Variants in ARHGAP6 observed in about 807,000 individuals in gnomAD.
ARHGAP6 encodes rho GTPase-activating protein 6.
Under a neutral mutation model 55.7 loss-of-function variants are expected in ARHGAP6, and 16 were observed. The ratio of observed to expected loss-of-function variants is 0.29; its 90% CI spans 0.19 to 0.44. ARHGAP6 has a LOEUF of 0.44. Among genes scored for constraint, ARHGAP6 ranks in the 20% least tolerant of loss-of-function variants. The probability of loss-of-function intolerance (pLI) is 1.00; values close to 1 mark genes in which losing one functional copy is unlikely to be tolerated. For missense variants in ARHGAP6, 698 were observed against 808.9 expected (o/e 0.86, Z 1.66); for synonymous variants, 382 against 360.9 (o/e 1.06, Z -0.66).
At chrX:11,300,398 C>T (rs777172917) in intron 1 of ARHGAP6, among the ~76,000 whole-genome samples, 1 of 111,635 alleles carries the variant, frequency 9.0e-6, no homozygotes, top group East Asian at 2.8e-4. Flanking sequence ...AAATAATAGG[C>T]TTTAAGTGTC....
chrX:11,285,161 ATTG>A (rs1458133378), intron 1 of ARHGAP6, among the ~76,000 whole-genome samples: 3 of 80,555 alleles, frequency 3.7e-5, no homozygotes, highest in Non-Finnish European at 7.2e-5. Flanking sequence ...AACCACACAG[ATTG>A]TTTTTTTTTT....
chrX:11,421,158 TCA>T (rs1274677868), intron 1 of ARHGAP6, among the ~76,000 whole-genome samples: 2 of 111,851 alleles, frequency 1.8e-5, no homozygotes, highest in African/African-American at 6.5e-5. Flanking sequence ...GGAAGCTCAC[TCA>T]CATTTTCTCA....
chrX:11,651,625 G>A lies in ARHGAP6; in HGVS notation c.588+12616C>T, dbSNP rs185826768. Among the ~76,000 whole-genome samples, 326 of 111,384 alleles carry A rather than the reference G, an allele frequency of 2.9e-3. 1 individual carries two copies. The highest frequency in any genetic ancestry group is 0.014 in the Middle Eastern group (3 of 217). ...GGGATGTGCATGTATCTTTATAAAA[G>A]AAAGACTTATACTCCTTTGGGTATA... On this transcript the variant is annotated intron_variant, in intron 1 of 12. Transcript: ENST00000337414.
At chrX:11,568,509 C>T (rs1467924320) in intron 1 of ARHGAP6, among the ~76,000 whole-genome samples, 1 of 112,188 alleles carries the variant, frequency 8.9e-6, no homozygotes, top group Non-Finnish European at 1.9e-5. Context: ...CAGTGGCTCA[C>T]GCCTATAATC....
At chrX:11,426,950 A>T (rs926387924) in intron 1 of ARHGAP6, among the ~76,000 whole-genome samples, 5 of 110,044 alleles carry the variant, frequency 4.5e-5, no homozygotes, top group African/African-American at 1.7e-4. Flanking sequence ...AGCCACCATA[A>T]GGGAGGGGGA....
intron 3 of ARHGAP6, among the ~76,000 whole-genome samples, chrX:11,190,966 T>C (rs1041756030): frequency 3.5e-5 from 4 of 112,731 alleles, no homozygotes; most frequent in Non-Finnish European, 7.5e-5. Flanking sequence ...AGGTGTGACT[T>C]GGCATCCTGC....
intron 1 of ARHGAP6, among the ~76,000 whole-genome samples, chrX:11,577,148 C>A (rs962596873): frequency 1.8e-5 from 2 of 112,272 alleles, no homozygotes; most frequent in Non-Finnish European, 3.8e-5. Flanking sequence ...TCTGCAAAGT[C>A]TCTTTGGCCA....
At chrX:11,407,178 C>A (rs2049620583) in intron 1 of ARHGAP6, among the ~76,000 whole-genome samples, 1 of 111,362 alleles carries the variant, frequency 9.0e-6, no homozygotes, top group Non-Finnish European at 1.9e-5. Context: ...TAGGGAACCA[C>A]CAATCTATAT....
Position 11,139,460 on chromosome X carries a change from C to T in ARHGAP6, c.2328G>A (p.Leu776=), listed in dbSNP as rs1170160005. ...CCTGCCACCGAGGCCAATTTGGGGA[C>T]AGGTTCCCTTGAGAAAGGGAGCAGG... The part of the protein sequence containing the change: ...AGPCSLSQGN[L]SPNWPRWQGS... Residue 776 remains leucine (L), a synonymous_variant, in exon 13 of 13, where the codon CTG becomes CTA. Coordinates refer to ENST00000337414, the MANE Select transcript of ARHGAP6 (RefSeq NM_013427.3). 1 of 1,181,406 alleles carries T rather than the reference C, an allele frequency of 8.5e-7. No homozygotes were observed. Among genetic ancestry groups the T allele is most frequent in the African/African-American group, 1.8e-5 (1 of 56,229 alleles).
intron 1 of ARHGAP6, among the ~76,000 whole-genome samples, chrX:11,401,913 A>G (rs2049554071): frequency 8.9e-6 from 1 of 112,435 alleles, no homozygotes; most frequent in African/African-American, 3.2e-5. Flanking sequence ...ATATACATAT[A>G]AATAATTGAA....
intron 1 of ARHGAP6, among the ~76,000 whole-genome samples, chrX:11,497,559 T>TCTCTCTCTCTC (rs2050635811): frequency 3.4e-4 from 14 of 41,136 alleles, no homozygotes; most frequent in Non-Finnish European, 4.3e-4. Flanking sequence ...CCCTCCCTCC[T>TCTCTCTCTCTC]TCTCTCTCTC....
At chrX:11,467,404 A>G (rs1408692130) in intron 1 of ARHGAP6, among the ~76,000 whole-genome samples, 6 of 111,257 alleles carry the variant, frequency 5.4e-5, no homozygotes, top group Admixed American at 9.6e-5. Flanking sequence ...CTGGGTCTCT[A>G]AAAAGGATGT....
At chrX:11,373,094 AACACAC>A (rs71907621) in intron 1 of ARHGAP6, among the ~76,000 whole-genome samples, 1,422 of 98,845 alleles carry the variant, frequency 0.014, 22 homozygotes, top group African/African-American at 0.048. Context: ...CACACACACA[AACACAC>A]ACACACACAC....
chrX:11,488,253 G>C (rs2050531152), intron 1 of ARHGAP6, among the ~76,000 whole-genome samples: 1 of 111,601 alleles, frequency 9.0e-6, no homozygotes, highest in African/African-American at 3.3e-5. Flanking sequence ...TGGCTATCAG[G>C]AACCATGCTC....
At chrX:11,273,474 A>G (rs1231133748) in intron 1 of ARHGAP6, among the ~76,000 whole-genome samples, 1 of 110,052 alleles carries the variant, frequency 9.1e-6, no homozygotes, top group African/African-American at 3.3e-5. Flanking sequence ...CATAAAGAAC[A>G]TGATGTCCAA....
At chrX:11,298,652 C>G (rs1569291657) in intron 1 of ARHGAP6, 10 of 1,211,357 alleles carry the variant, frequency 8.3e-6, no homozygotes, top group Non-Finnish European at 1.1e-5. Context: ...AGCCTCATCA[C>G]CACATCCCAG....
Position 11,507,561 on chromosome X carries a change from G to T in ARHGAP6, c.588+156680C>A, listed in dbSNP as rs781252572. On this transcript the variant is annotated intron_variant, in intron 1 of 12. Transcript: ENST00000337414. ...GTTCTCAATCCTTGTGAGTGCCCAT[G>T]AGTCAGGAGATTCACTCCTATTTTG... 1.5e-3 allele frequency among the ~76,000 whole-genome samples: 168 copies of T among 111,827 alleles called. 1 individual carries two copies. Among genetic ancestry groups the T allele is most frequent in the African/African-American group, 4.8e-3 (149 of 30,791 alleles).
intron 1 of ARHGAP6, among the ~76,000 whole-genome samples, chrX:11,340,590 G>A (rs374576600): frequency 7.4e-5 from 8 of 108,623 alleles, no homozygotes; most frequent in African/African-American, 2.7e-4. Flanking sequence ...TTAGCCGGGC[G>A]TAGTGGCGGG....
intron 3 of ARHGAP6, among the ~76,000 whole-genome samples, chrX:11,195,742 G>A (rs2046525854): frequency 9.2e-6 from 1 of 108,519 alleles, no homozygotes; most frequent in Non-Finnish European, 1.9e-5. Context: ...GAAATAATCT[G>A]TACAACAAAC....
Sources: allele counts gnomAD v4.1 joint callset (sites outside exome capture counted in the v4.1 genomes callset), GRCh38; gene constraint gnomAD v4.1.1; transcripts MANE v1.5; gene names NCBI Gene and HGNC (gene_info 2026-07-23, HGNC 2026-07-21).